COL5A1: variants seen among roughly 807,000 people sequenced by gnomAD.
COL5A1 encodes collagen alpha-1(V) chain.
Under a neutral mutation model 263.7 loss-of-function variants are expected in COL5A1, and 16 were observed. The observed-to-expected ratio is 0.06, with a 90% CI of 0.04 to 0.09. The LOEUF (loss-of-function observed/expected upper bound fraction) is 0.09, where lower values mean the gene tolerates loss of function less well. COL5A1 is among the 10% of genes least tolerant of loss of function. COL5A1 has a pLI of 1.00. For synonymous variants in COL5A1, 1,012 were observed against 1,004.5 expected, an observed-to-expected ratio of 1.01 and a Z score of -0.14; for missense variants, 2,036 against 2,540.5, an observed-to-expected ratio of 0.80 and a Z score of 4.27.
rs1243948702 is a variant in COL5A1 at position 134,677,876 on chromosome 9, C to T, written c.110-13036C>T. ...TGGAACGCCCCATGGCATGGTTCCA[C>T]GGGAGGGGCATCTTCTGCCTGGCCC... is the stretch of plus-strand genomic sequence containing the variant. On this transcript the variant is annotated intron_variant, in intron 1 of 65. Transcript: ENST00000371817. This position sits in a 1 kb window ranked among gnomAD's most constrained non-coding sequence, Gnocchi z 4.4. Among the ~76,000 whole-genome samples, 7 of 152,192 alleles carry T rather than the reference C, an allele frequency of 4.6e-5. No individual in the cohort carries two copies. The highest frequency in any genetic ancestry group is 1.9e-4 in the East Asian group (1 of 5,184).
intron 4 of COL5A1, among the ~76,000 whole-genome samples, chr9:134,709,878 G>C (rs1291059080): frequency 6.6e-6 from 1 of 152,220 alleles, no homozygotes; most frequent in Non-Finnish European, 1.5e-5. Context: ...CTCTGGAGGG[G>C]AGTGCCCAGG....
intron 61 of COL5A1, 80 bp from the exon 62 acceptor site, chr9:134,824,510 AGATGTGGCCC>A: frequency 2.6e-6 from 4 of 1,550,988 alleles, no homozygotes; most frequent in Non-Finnish European, 3.5e-6. Context: ...GAACCCCTGC[AGATGTGGCCC>A]CAGCTGTCCC....
chr9:134,786,408 T>C (rs1837461143), intron 31 of COL5A1, among the ~76,000 whole-genome samples: 1 of 152,204 alleles, frequency 6.6e-6, no homozygotes, highest in South Asian at 2.1e-4. Context: ...AAGGAGGCTC[T>C]TGGGCAATGA....
chr9:134,840,076 C>G (rs866555892), intron 65 of COL5A1, among the ~76,000 whole-genome samples: 39 of 152,380 alleles, frequency 2.6e-4, no homozygotes, highest in Admixed American at 8.5e-4. Flanking sequence ...CAGTCATGAC[C>G]ACGCCTATCA....
At position 134,821,635 on chromosome 9, in the gene COL5A1, A is replaced by T. The variant is rs1160541153; in HGVS notation, c.4555-462A>T. On this transcript the variant is annotated intron_variant, in intron 58 of 65. Coordinates refer to ENST00000371817, the MANE Select transcript of COL5A1 (RefSeq NM_000093.5). The surrounding 1 kb of genome is among the most constrained non-coding windows in gnomAD (Gnocchi z 4.2). ...CTCCAAGGATGCAGAAAGCACATTT[A>T]CAGGCAGGACAGGACAGTCAGCATG... is the stretch of plus-strand genomic sequence containing the variant. Among the ~76,000 whole-genome samples the T allele has an allele frequency of 6.6e-6, 1 of 152,200 alleles. No individual in the cohort carries two copies. Among genetic ancestry groups the T allele is most frequent in the Non-Finnish European group, 1.5e-5 (1 of 68,034 alleles).
chr9:134,820,091 C>G (rs754065052), intron 57 of COL5A1, 25 bp from the exon 58 acceptor site: 1 of 1,587,446 alleles, frequency 6.3e-7, no homozygotes. Context: ...CTCAAATGCC[C>G]CTTCCTGTCT....
intron 1 of COL5A1, among the ~76,000 whole-genome samples, chr9:134,650,380 G>T (rs1477193260): frequency 6.6e-6 from 1 of 152,186 alleles, no homozygotes; most frequent in Non-Finnish European, 1.5e-5. Context: ...TGTGGGTACA[G>T]AGGGAACAGA....
rs957818279 is a variant in COL5A1, at chr9:134,824,866, G to T, written c.4954+11G>T. The T allele has an allele frequency of 3.1e-6, 5 of 1,605,332 alleles. No homozygotes were observed. Among genetic ancestry groups the T allele is most frequent in the Non-Finnish European group, 4.2e-6 (5 of 1,177,342 alleles). ...CCGACTTCCCAGATGGTGAGGGCCT[G>T]GGGGGGCAGGGGTGGCCCCCCAAAG... On this transcript the variant is annotated intron_variant, in intron 62 of 65. Coordinates refer to ENST00000371817, the MANE Select transcript of COL5A1 (RefSeq NM_000093.5).
At chr9:134,822,779 G>A (rs985474458) in intron 59 of COL5A1, 11 of 633,004 alleles carry the variant, frequency 1.7e-5, no homozygotes, top group East Asian at 1.4e-4. Context: ...TAGGCTGGCC[G>A]GGGGCAGGTA....
intron 11 of COL5A1, 111 bp downstream of exon 11, chr9:134,738,919 T>C: frequency 1.1e-6 from 1 of 874,600 alleles, no homozygotes; most frequent in African/African-American, 1.7e-5. Flanking sequence ...CCCAGAGGCT[T>C]GTGTCTTCAA....
intron 64 of COL5A1, chr9:134,830,416 C>T (rs770359878): frequency 3.0e-4 from 175 of 586,072 alleles, no homozygotes; most frequent in Non-Finnish European, 3.0e-4. Context: ...GTGTAGGGCG[C>T]GCAGAGCTGG....
At chr9:134,802,841 T>G (rs1178020903) in intron 38 of COL5A1, 47 bp from the exon 39 acceptor site, 2 of 1,388,794 alleles carry the variant, frequency 1.4e-6, no homozygotes, top group Non-Finnish European at 2.0e-6. Flanking sequence ...CTCACTCCCT[T>G]GCAAGTCACT....
At position 134,784,417 on chromosome 9, in the gene COL5A1, C is replaced by T. The variant is rs576336745; in HGVS notation, c.2485-572C>T. On this transcript the variant is annotated intron_variant, in intron 29 of 65. Coordinates refer to ENST00000371817, the MANE Select transcript of COL5A1 (RefSeq NM_000093.5). Reference sequence around the variant, plus strand: ...TTGCCTGGGCAGGCTCCAGAGCCCTCTCCCCTTTCTGAGCCCCGAGCTCCC... The same window carrying T: ...TTGCCTGGGCAGGCTCCAGAGCCCTTTCCCCTTTCTGAGCCCCGAGCTCCC... Among the ~76,000 whole-genome samples the T allele has an allele frequency of 2.0e-3, 311 of 152,336 alleles. 3 individuals are homozygous for T. The highest frequency in any genetic ancestry group is 6.8e-3 in the Middle Eastern group (2 of 294).
rs1459273082 is a variant in COL5A1 at position 134,810,900 on chromosome 9, AG to A, written c.3529-436del. Among the ~76,000 whole-genome samples the A allele has an allele frequency of 2.6e-4, 40 of 152,264 alleles. 1 individual carries two copies. Among genetic ancestry groups the A allele is most frequent in the African/African-American group, 8.7e-4 (36 of 41,562 alleles). ...GCCGTGGGTTGGGCTACCAGGGCCA[AG>A]GGCACTGTACCCTCCTTGCTTGCCT... On this transcript the variant is annotated intron_variant, in intron 44 of 65. Transcript: ENST00000371817.
intron 39 of COL5A1, 116 bp from the exon 40 acceptor site, chr9:134,804,859 G>A (rs1838238483): frequency 2.3e-6 from 2 of 859,468 alleles, no homozygotes; most frequent in Non-Finnish European, 3.9e-6. Context: ...GGACTGGTGA[G>A]AGGTCTGCGT....
chr9:134,773,463 C>A (rs78502352), intron 26 of COL5A1, among the ~76,000 whole-genome samples: 5,829 of 152,206 alleles, frequency 0.038, 157 homozygotes, highest in Non-Finnish European at 0.056. Flanking sequence ...TGTGCGCCAA[C>A]CTTCGTTCAC....
intron 1 of COL5A1, among the ~76,000 whole-genome samples, chr9:134,676,345 A>T (rs1375560495): frequency 6.6e-6 from 1 of 152,228 alleles, no homozygotes; most frequent in African/African-American, 2.4e-5. Context: ...ATGTTGGGCC[A>T]TCTCTCCATC....
At chr9:134,788,463 C>T (rs1257210472) in intron 31 of COL5A1, among the ~76,000 whole-genome samples, 1 of 132,882 alleles carries the variant, frequency 7.5e-6, no homozygotes, top group East Asian at 2.4e-4. Flanking sequence ...TAGATGTATA[C>T]ATAGGTAGGC....
intron 1 of COL5A1, among the ~76,000 whole-genome samples, chr9:134,648,381 C>A (rs1381902892): frequency 4.0e-5 from 6 of 151,758 alleles, no homozygotes; most frequent in Non-Finnish European, 8.8e-5. Flanking sequence ...TAATACAGCT[C>A]TGCTCATAGG....
Sources: gnomAD v4.1 joint callset for allele counts (sites outside exome capture counted in the v4.1 genomes callset) on GRCh38, gnomAD v4.1.1 for gene constraint, Gnocchi (gnomAD v3.1) non-coding constraint, MANE v1.5 for transcripts, NCBI Gene and HGNC (gene_info 2026-07-23, HGNC 2026-07-21) for gene names.